Variants in USP16 observed in about 807,000 individuals in gnomAD.
The protein encoded by USP16 is ubiquitin specific peptidase 16, also known as ubiquitin carboxyl-terminal hydrolase 16.
USP16 carries 77 observed loss-of-function variants against 95.9 expected under a neutral mutation model. That is an observed-to-expected ratio of 0.80 (90% CI 0.67 to 0.97). USP16 has a LOEUF of 0.97. USP16 is among the 50% of genes least tolerant of loss of function. USP16 has a pLI of 0.00. For missense variants in USP16, 943 were observed against 959.9 expected, an observed-to-expected ratio of 0.98 and a Z score of 0.23; for synonymous variants, 303 against 318.2, an observed-to-expected ratio of 0.95 and a Z score of 0.51.
chr21:29,033,634 G>A (rs985344940), intron 3 of USP16, among the ~76,000 whole-genome samples: 4 of 152,178 alleles, frequency 2.6e-5, no homozygotes, highest in African/African-American at 4.8e-5. Flanking sequence ...TTTAAATAGT[G>A]TTTTTTGACC....
In USP16 at chr21:29,048,791, A is replaced by G. The variant is rs376063644; in HGVS notation, c.2042A>G (p.Lys681Arg). The change falls in exon 15 of 18, where the codon AAA becomes AGA. Residue 681 changes from lysine (K) to arginine (R), a missense_variant. Coordinates refer to ENST00000399976, the MANE Select transcript of USP16 (RefSeq NM_006447.3). ...GERKHVYTNAKKQMLISLAPP... is the reference protein window; with the variant it reads ...GERKHVYTNARKQMLISLAPP... Reference sequence around the variant, plus strand: ...AGGAAGCATGTTTACACCAATGCCAAAAAGCAGATGCTAATTTCTCTTGCT... The same window carrying G: ...AGGAAGCATGTTTACACCAATGCCAGAAAGCAGATGCTAATTTCTCTTGCT... 1 of 1,613,738 alleles carries G rather than the reference A, an allele frequency of 6.2e-7. No individual in the cohort carries two copies. Among genetic ancestry groups the G allele is most frequent in the Non-Finnish European group, 8.5e-7 (1 of 1,179,920 alleles).
At chr21:29,039,589 G>C (rs767678384) in intron 9 of USP16, 21 bp downstream of exon 9, 3 of 1,601,018 alleles carry the variant, frequency 1.9e-6, no homozygotes, top group Non-Finnish European at 2.6e-6. Flanking sequence ...TATGACCATT[G>C]TATTTTATGA....
intron 13 of USP16, among the ~76,000 whole-genome samples, chr21:29,046,069 C>A (rs568995434): frequency 1.3e-5 from 2 of 152,282 alleles, no homozygotes; most frequent in African/African-American, 4.8e-5. Flanking sequence ...AGTGAGATGC[C>A]CTCCTTGGCC....
intron 2 of USP16, among the ~76,000 whole-genome samples, chr21:29,028,623 A>G (rs1384016433): frequency 6.6e-6 from 1 of 151,740 alleles, no homozygotes; most frequent in Non-Finnish European, 1.5e-5. Context: ...TTTAGTAGAG[A>G]CAGGGTTTCA....
At chr21:29,050,216 A>G in intron 16 of USP16, 38 bp downstream of exon 16, 1 of 1,593,348 alleles carries the variant, frequency 6.3e-7, no homozygotes, top group Non-Finnish European at 8.6e-7. Context: ...AGTCCTTTAA[A>G]GTCAAATTGT....
intron 16 of USP16, chr21:29,053,082 C>CT (rs1491581605): frequency 2.6e-5 from 4 of 152,204 alleles, no homozygotes; most frequent in African/African-American, 9.7e-5. Flanking sequence ...ATTTAAAGTC[C>CT]TGTGAGAATC....
chr21:29,034,349 C>T (rs576975976), intron 3 of USP16, among the ~76,000 whole-genome samples: 2 of 149,946 alleles, frequency 1.3e-5, no homozygotes, highest in Admixed American at 1.3e-4. Flanking sequence ...GCTCTTGTTG[C>T]CCAGGCTAGA....
chr21:29,031,164 A>G (rs1447246342), intron 3 of USP16, among the ~76,000 whole-genome samples: 2 of 152,172 alleles, frequency 1.3e-5, no homozygotes, highest in Non-Finnish European at 2.9e-5. Context: ...GTTGAGACTG[A>G]TTCCTGGGGA....
intron 16 of USP16, among the ~76,000 whole-genome samples, chr21:29,051,081 A>G (rs2085406436): frequency 6.6e-6 from 1 of 152,186 alleles, no homozygotes; most frequent in Non-Finnish European, 1.5e-5. Flanking sequence ...AAGGTGAGGC[A>G]GAGGCCTTTT....
chr21:29,053,994 T>C, intron 17 of USP16, 36 bp downstream of exon 17: 1 of 1,613,240 alleles, frequency 6.2e-7, no homozygotes, highest in Non-Finnish European at 8.5e-7. Context: ...ACTCAGCAGA[T>C]TACGGCAAAA....
chr21:29,035,150 T>C (rs62222371), intron 4 of USP16, among the ~76,000 whole-genome samples: 16 of 152,194 alleles, frequency 1.1e-4, no homozygotes, highest in Non-Finnish European at 2.4e-4. Flanking sequence ...ATAGAAGACT[T>C]AAGAATCTTT....
At chr21:29,048,697 A>T in intron 14 of USP16, 64 bp from the exon 15 acceptor site, 1 of 1,283,826 alleles carries the variant, frequency 7.8e-7, no homozygotes, top group Non-Finnish European at 1.1e-6. Context: ...TTTTATAGCA[A>T]ATCTGAATGC....
At chr21:29,050,657 T>C (rs2085399646) in intron 16 of USP16, among the ~76,000 whole-genome samples, 1 of 152,024 alleles carries the variant, frequency 6.6e-6, no homozygotes. Context: ...AAAACAGCAG[T>C]GTAAAATAGG....
Position 29,036,262 on chromosome 21 carries a change from G to T in USP16, c.345-9G>T. 2 of 1,580,630 alleles carry T rather than the reference G, an allele frequency of 1.3e-6. No homozygotes were observed. The highest frequency in any genetic ancestry group is 1.4e-5 in the African/African-American group (1 of 74,008). On this transcript the variant is annotated splice_polypyrimidine_tract_variant and intron_variant, in intron 4 of 17. Transcript: ENST00000399976. ...TTGTCATTTTTCATCTCTGATTTTT[G>T]GGTCACAGGTGTTACGTATGTGATA... is the stretch of plus-strand genomic sequence containing the variant.
At chr21:29,039,691 T>G in intron 9 of USP16, 123 bp downstream of exon 9, 1 of 883,494 alleles carries the variant, frequency 1.1e-6, no homozygotes, top group Non-Finnish European at 1.6e-6. Context: ...TTAAAATTTT[T>G]TCTTACACCA....
rs370504916 is a variant in USP16, at chr21:29,047,207, A to G, written c.1897A>G (p.Ile633Val). The change falls in exon 14 of 18, where the codon ATC becomes GTC. Residue 633 changes from isoleucine (I) to valine (V), a missense_variant. Ile to Val is a conservative substitution (Grantham distance 29). Transcript: ENST00000399976. ...REVFNTDECSIQHCLYQFTRN... is the reference protein window; with the variant it reads ...REVFNTDECSVQHCLYQFTRN... The stretch of plus-strand genomic sequence containing the variant: ...AGTTTTCAATACTGATGAGTGTTCA[A>G]TCCAACATTGTTTATATCAGTTCAC... The G allele has an allele frequency of 8.7e-6, 14 of 1,614,176 alleles. No individual in the cohort carries two copies. The highest frequency in any genetic ancestry group is 5.5e-5 in the South Asian group (5 of 91,080).
chr21:29,036,149 A>T, intron 4 of USP16, 122 bp from the exon 5 acceptor site: 2 of 748,970 alleles, frequency 2.7e-6, no homozygotes, highest in Non-Finnish European at 2.1e-6. Context: ...CAGAATTTTT[A>T]CGTTCGGTTT....
rs764658429 is a variant in USP16, at chr21:29,039,401, A to G, written c.864-80A>G. Reference sequence around the variant, plus strand: ...ACCAGAACTCTCTGAGATTTGGGATATGATCCTAAGATTTTCTAAAAATAG... The same window carrying G: ...ACCAGAACTCTCTGAGATTTGGGATGTGATCCTAAGATTTTCTAAAAATAG... On this transcript the variant is annotated intron_variant, in intron 8 of 17. Transcript: ENST00000399976. The G allele has an allele frequency of 3.4e-6, 5 of 1,455,526 alleles. No individual in the cohort carries two copies. The African/African-American group carries it at 7.0e-5, about 20-fold the overall frequency. 90.2% of individuals were successfully genotyped at this position (1,455,526 alleles called of 1,614,324 possible).
At chr21:29,030,830 T>C (rs975078308) in intron 3 of USP16, 57 bp downstream of exon 3, 6 of 1,536,936 alleles carry the variant, frequency 3.9e-6, no homozygotes, top group Admixed American at 2.1e-5. Flanking sequence ...GAACTTACTT[T>C]AGAAGGTATT....
Sources: allele counts gnomAD v4.1 joint callset (sites outside exome capture counted in the v4.1 genomes callset), GRCh38; gene constraint gnomAD v4.1.1; transcripts MANE v1.5; gene names NCBI Gene and HGNC (gene_info 2026-07-23, HGNC 2026-07-21).